DOCK1: variants seen among roughly 807,000 people sequenced by gnomAD.
DOCK1 encodes the protein dedicator of cytokinesis 1.
In DOCK1, 138 loss-of-function variants were observed where a neutral mutation model predicts 262.7. The ratio of observed to expected loss-of-function variants is 0.53; its 90% CI spans 0.46 to 0.61. The LOEUF (loss-of-function observed/expected upper bound fraction) is 0.61. DOCK1 is among the 20% of genes least tolerant of loss of function. The pLI is 0.00. For missense variants in DOCK1, 1,908 were observed against 2,370.7 expected (o/e 0.80, Z 4.05); for synonymous variants, 866 against 867.4 (o/e 1.00, Z 0.03).
intron 27 of DOCK1, among the ~76,000 whole-genome samples, chr10:127,153,151 G>A (rs957258149): frequency 6.6e-6 from 1 of 152,090 alleles, no homozygotes; most frequent in African/African-American, 2.4e-5. Flanking sequence ...ATTTCTCACC[G>A]CTTTTATATT....
intron 1 of DOCK1, among the ~76,000 whole-genome samples, chr10:126,934,037 G>A (rs1463959960): frequency 6.6e-6 from 1 of 151,988 alleles, no homozygotes; most frequent in African/African-American, 2.4e-5. Flanking sequence ...GGCTGGTTTC[G>A]AACTCCTGAC....
At chr10:127,000,147 A>T in intron 9 of DOCK1, 25 bp from the exon 10 acceptor site, 1 of 1,611,806 alleles carries the variant, frequency 6.2e-7, no homozygotes, top group African/African-American at 1.3e-5. Context: ...TCTCCAAAAT[A>T]ATTTATGGAA....
At chr10:127,047,561 T>C (rs2044431554) in intron 21 of DOCK1, among the ~76,000 whole-genome samples, 2 of 152,200 alleles carry the variant, frequency 1.3e-5, no homozygotes, top group Non-Finnish European at 2.9e-5. Context: ...AACAAAATGC[T>C]CATTTTAATT....
chr10:127,224,735 AAAG>A (rs1288228081), intron 27 of DOCK1, among the ~76,000 whole-genome samples: 2 of 151,948 alleles, frequency 1.3e-5, no homozygotes, highest in Non-Finnish European at 2.9e-5. Flanking sequence ...AAAGAAAAGA[AAAG>A]AAATATTAAT....
At chr10:126,936,383 C>G (rs1277190353) in intron 1 of DOCK1, among the ~76,000 whole-genome samples, 9 of 152,204 alleles carry the variant, frequency 5.9e-5, no homozygotes. Flanking sequence ...CATTGTAACA[C>G]AAAAGCAGCC....
chr10:127,311,908 A>C (rs1175579127), intron 29 of DOCK1, among the ~76,000 whole-genome samples: 1 of 151,936 alleles, frequency 6.6e-6, no homozygotes, highest in African/African-American at 2.4e-5. Flanking sequence ...TCTGTCACCC[A>C]GGCTGGAGTG....
rs35541322 is a variant in DOCK1, at chr10:127,008,754, A to C, written c.1008A>C (p.Ile336=). The stretch of plus-strand genomic sequence containing the variant: ...CAGTGATGGATGTAACAGATATAAT[A>C]AATGGAAAAGTAGATGATGAAGATA... ...GVAVMDVTDI[I]NGKVDDEDKQ... The change falls in exon 11 of 52, where the codon ATA becomes ATC. Residue 336 remains isoleucine, a synonymous_variant. Transcript: ENST00000623213. The C allele has an allele frequency of 0.05, 79,492 of 1,597,414 alleles. 2,385 individuals carry two copies. Among genetic ancestry groups the C allele is most frequent in the Middle Eastern group, 0.07 (421 of 6,052 alleles).
chr10:127,380,106 G>C lies in DOCK1; in HGVS notation c.3700G>C (p.Glu1234Gln), dbSNP rs780621285. ...VLNFYKEIER[E>Q]EMYIRYLYKL... is the part of the protein sequence containing the mutation. ...GAATTTCTACAAAGAAATTGAAAGA[G>C]AAGAAATGTATATAAGGTATGTATG... The change falls in exon 36 of 52, where the codon GAA becomes CAA. Residue 1234 changes from glutamate (E) to glutamine (Q), a missense_variant. This residue lies in a region of DOCK1 where 267 missense variants were observed against 366.3 expected (regional missense o/e 0.73). Coordinates refer to ENST00000623213, the MANE Select transcript of DOCK1 (RefSeq NM_001290223.2). 5 of 1,520,388 alleles carry C rather than the reference G, an allele frequency of 3.3e-6. No individual in the cohort carries two copies. The South Asian group carries it at 4.9e-5, about 15-fold the overall frequency. 94.2% of individuals were successfully genotyped at this position (1,520,388 alleles called of 1,614,324 possible).
At chr10:127,306,197 T>A (rs1321965813) in intron 29 of DOCK1, among the ~76,000 whole-genome samples, 1 of 152,042 alleles carries the variant, frequency 6.6e-6, no homozygotes, top group Non-Finnish European at 1.5e-5. Flanking sequence ...GTATTTTTAG[T>A]AGAGATGGGG....
intron 29 of DOCK1, among the ~76,000 whole-genome samples, chr10:127,260,883 G>GCCTGCA (rs2060025116): frequency 6.8e-6 from 1 of 147,050 alleles, no homozygotes; most frequent in Non-Finnish European, 1.5e-5. Context: ...GTGTGTGTGT[G>GCCTGCA]TGTACCCGTG....
At chr10:127,008,390 G>A (rs766776216) in intron 10 of DOCK1, among the ~76,000 whole-genome samples, 2 of 152,204 alleles carry the variant, frequency 1.3e-5, no homozygotes, top group Non-Finnish European at 2.9e-5. Context: ...GAGCCACTGC[G>A]CCTGGCCTAT....
At chr10:127,050,911 A>G (rs562015368) in intron 21 of DOCK1, among the ~76,000 whole-genome samples, 2 of 152,210 alleles carry the variant, frequency 1.3e-5, no homozygotes, top group African/African-American at 4.8e-5. Context: ...CTTTCTTGTT[A>G]TTTGAATTAC....
intron 29 of DOCK1, among the ~76,000 whole-genome samples, chr10:127,288,337 A>C (rs1361289478): frequency 6.6e-6 from 1 of 152,178 alleles, no homozygotes; most frequent in African/African-American, 2.4e-5. Flanking sequence ...CAAACCTGGA[A>C]TAAGCCAAGA....
chr10:127,228,917 C>T (rs1396054527), intron 27 of DOCK1, among the ~76,000 whole-genome samples: 4 of 152,116 alleles, frequency 2.6e-5, no homozygotes, highest in African/African-American at 4.8e-5. Flanking sequence ...TTATTTTTCA[C>T]GTGTGGTGAG....
chr10:127,381,253 A>G (rs755058643), intron 36 of DOCK1, 25 bp from the exon 37 acceptor site: 55 of 1,588,258 alleles, frequency 3.5e-5, no homozygotes, highest in Non-Finnish European at 4.0e-5. Context: ...CATTTTAAGA[A>G]CATACCTCTG....
At position 127,143,455 on chromosome 10, in the gene DOCK1, G is replaced by A. The variant is rs532307056; in HGVS notation, c.2847+15691G>A. 1.8e-4 allele frequency among the ~76,000 whole-genome samples: 28 copies of A among 152,304 alleles called. No individual in the cohort carries two copies. In the East Asian group the frequency reaches 4.8e-3, roughly 26 times the overall value. ...ATAAATCACCTCACCTTGGGGACCT[G>A]AGCTTGCTTGGCTGTGAAGTGATGG... On this transcript the variant is annotated intron_variant, in intron 27 of 51. Coordinates refer to ENST00000623213, the MANE Select transcript of DOCK1 (RefSeq NM_001290223.2).
chr10:127,371,064 T>C (rs1464978582), intron 33 of DOCK1, among the ~76,000 whole-genome samples: 1 of 152,242 alleles, frequency 6.6e-6, no homozygotes, highest in Admixed American at 6.5e-5. Context: ...AGGAAGATAA[T>C]AAGCATGATT....
At chr10:127,240,630 A>G (rs2059231295) in intron 27 of DOCK1, among the ~76,000 whole-genome samples, 1 of 152,208 alleles carries the variant, frequency 6.6e-6, no homozygotes, top group Non-Finnish European at 1.5e-5. Flanking sequence ...TGTATGCGGC[A>G]CTGCACACTA....
chr10:127,348,503 A>G (rs2063743954), intron 31 of DOCK1, among the ~76,000 whole-genome samples: 2 of 152,184 alleles, frequency 1.3e-5, no homozygotes, highest in Admixed American at 1.3e-4. Flanking sequence ...GGCCTCCCAC[A>G]TATCTAAGCA....
Sources: gnomAD v4.1 joint callset for allele counts (sites outside exome capture counted in the v4.1 genomes callset) on GRCh38, gnomAD v4.1.1 for gene constraint, gnomAD v4.1.1 regional missense constraint, MANE v1.5 for transcripts, NCBI Gene and HGNC (gene_info 2026-07-23, HGNC 2026-07-21) for gene names.